GUCY2D: variants seen among roughly 807,000 people sequenced by gnomAD.
GUCY2D encodes the protein guanylate cyclase 2D, retinal.
GUCY2D carries 70 observed loss-of-function variants against 101.3 expected under a neutral mutation model. The observed-to-expected ratio is 0.69, with a 90% CI of 0.57 to 0.84. The LOEUF (loss-of-function observed/expected upper bound fraction) is 0.84, where lower values mean the gene tolerates loss of function less well. GUCY2D is among the 40% of genes least tolerant of loss of function. The probability of loss-of-function intolerance (pLI) is 0.00; values close to 1 mark genes in which losing one functional copy is unlikely to be tolerated. For synonymous variants in GUCY2D, 688 were observed against 670.7 expected, an observed-to-expected ratio of 1.03 and a Z score of -0.40; for missense variants, 1,460 against 1,542.5, an observed-to-expected ratio of 0.95 and a Z score of 0.90.
chr17:8,005,329 C>T (rs1444530921), intron 3 of GUCY2D, among the ~76,000 whole-genome samples: 1 of 152,214 alleles, frequency 6.6e-6, no homozygotes, highest in Non-Finnish European at 1.5e-5. Context: ...GATCAAGCTT[C>T]AGAAATCTGA....
intron 3 of GUCY2D, 107 bp from the exon 4 acceptor site, chr17:8,006,256 C>G: frequency 1.2e-6 from 1 of 827,746 alleles, no homozygotes; most frequent in Non-Finnish European, 2.0e-6. Flanking sequence ...GAACAACTAA[C>G]TGGAAGGTGG....
intron 19 of GUCY2D, among the ~76,000 whole-genome samples, 182 bp from the exon 20 acceptor site, chr17:8,019,946 G>A (rs1192112680): frequency 6.6e-6 from 1 of 152,150 alleles, no homozygotes; most frequent in African/African-American, 2.4e-5. Context: ...CCTGCGCCAG[G>A]AGCCCACACT....
rs555571688 is a variant in GUCY2D, at chr17:8,017,375, G to T, written c.*24+821G>T. ...CTCAGGGACCCAGGAAGGAGGATCTGGGATTGATGCCCGACCCCAGAGGAA... is the reference window on the plus strand; with the variant it reads ...CTCAGGGACCCAGGAAGGAGGATCTTGGATTGATGCCCGACCCCAGAGGAA... On this transcript the variant is annotated intron_variant, in intron 19 of 19. Coordinates refer to ENST00000254854, the MANE Select transcript of GUCY2D (RefSeq NM_000180.4). Among the ~76,000 whole-genome samples, 7 of 152,274 alleles carry T rather than the reference G, an allele frequency of 4.6e-5. No homozygotes were observed. In the South Asian group the frequency reaches 1.4e-3, roughly 32 times the overall value.
rs1478344849 is a variant in GUCY2D at position 8,013,157 on chromosome 17, G to A, written c.2168G>A (p.Gly723Glu). ...AGGGACCCAGCCCTGGAGCGCCGGG[G>A]AACGCTGGCCGGCGACGTCTTTAGC... ...LLRDPALERR[G>E]TLAGDVFSLA... Residue 723 changes from glycine to glutamate, a missense_variant, in exon 11 of 20, where the codon GGA becomes GAA. Physicochemically the swap from Gly to Glu is moderately conservative, Grantham distance 98. This residue lies in a region of GUCY2D where 1,196 missense variants were observed against 1,229.6 expected (regional missense o/e 0.97). Transcript: ENST00000254854. This position sits in a 1 kb window ranked among gnomAD's most constrained non-coding sequence, Gnocchi z 5.0. The A allele has an allele frequency of 1.2e-6, 2 of 1,613,892 alleles. No homozygotes were observed. The highest frequency in any genetic ancestry group is 3.3e-5 in the Admixed American group (2 of 60,022).
Position 8,006,478 on chromosome 17 carries a change from A to T in GUCY2D, c.1142A>T (p.His381Leu). ...GTGTCCGGAGCAGCTGTGGCCCGCCACATCCGGGATGCGCAGGTCCCTGGC... is the reference window on the plus strand; with the variant it reads ...GTGTCCGGAGCAGCTGTGGCCCGCCTCATCCGGGATGCGCAGGTCCCTGGC... ...RWVSGAAVAR[H>L]IRDAQVPGFC... Residue 381 changes from histidine (H) to leucine (L), a missense_variant, in exon 4 of 20, where the codon CAC (histidine) becomes CTC (leucine). This residue lies in a region of GUCY2D where 1,196 missense variants were observed against 1,229.6 expected (regional missense o/e 0.97). Transcript: ENST00000254854. The T allele has an allele frequency of 6.2e-7, 1 of 1,607,294 alleles. No homozygotes were observed. The highest frequency in any genetic ancestry group is 8.5e-7 in the Non-Finnish European group (1 of 1,179,966).
chr17:8,014,994 G>A lies in GUCY2D; in HGVS notation c.2712G>A (p.Leu904=), dbSNP rs1331374688. 2 of 1,613,504 alleles carry A rather than the reference G, an allele frequency of 1.2e-6. No homozygotes were observed. Among genetic ancestry groups the A allele is most frequent in the Admixed American group, 3.3e-5 (2 of 59,970 alleles). ...GTGAGCCCATTGAGGTTGTGGACCT[G>A]CTCAACGATCTCTACACACTCTTTG... The part of the protein sequence containing the change: ...AMSEPIEVVD[L]LNDLYTLFDA... The change falls in exon 14 of 20, where the codon CTG becomes CTA. Residue 904 remains leucine (L), a synonymous_variant. Coordinates refer to ENST00000254854, the MANE Select transcript of GUCY2D (RefSeq NM_000180.4). This position sits in a 1 kb window ranked among gnomAD's most constrained non-coding sequence, Gnocchi z 4.0.
chr17:8,010,751 G>C (rs1975834686), intron 8 of GUCY2D, among the ~76,000 whole-genome samples: 1 of 147,672 alleles, frequency 6.8e-6, no homozygotes, highest in Non-Finnish European at 1.5e-5. Context: ...GGAGCTTGCA[G>C]TAAGCCGAGA....
rs745618018 is a variant in GUCY2D at position 8,007,076 on chromosome 17, C to T, written c.1395C>T (p.Leu465=). The T allele has an allele frequency of 9.9e-6, 16 of 1,613,954 alleles. No individual in the cohort carries two copies. In the South Asian group the frequency reaches 1.1e-4, roughly 11 times the overall value. The change falls in exon 5 of 20, where the codon CTC becomes CTT. Residue 465 remains leucine, a synonymous_variant. Transcript: ENST00000254854. ...NICGGGLEPG[L]VFLGFLLVVG... is the part of the protein sequence containing the mutation. ...TCCCTTCAGGACTGGAGCCGGGCCT[C>T]GTCTTTCTTGGCTTCCTCCTGGTGG...
Position 8,011,013 on chromosome 17 carries a change from T to C in GUCY2D, c.1750-1131T>C, listed in dbSNP as rs945009660. 6.6e-6 allele frequency among the ~76,000 whole-genome samples: 1 copy of C among 151,906 alleles called. No homozygotes were observed. Among genetic ancestry groups the C allele is most frequent in the Non-Finnish European group, 1.5e-5 (1 of 67,974 alleles). ...GGAGTCTCAGACCCGACTGACACAA[T>C]GACGTAACGCCAAGCAGAGCAGCCC... On this transcript the variant is annotated intron_variant, in intron 8 of 19. Transcript: ENST00000254854. This position sits in a 1 kb window ranked among gnomAD's most constrained non-coding sequence, Gnocchi z 4.3.
At position 8,013,152 on chromosome 17, in the gene GUCY2D, C is replaced by T. The variant is rs770747229; in HGVS notation, c.2163C>T (p.Arg721=). The T allele has an allele frequency of 1.9e-6, 3 of 1,613,786 alleles. No homozygotes were observed. The highest frequency in any genetic ancestry group is 4.5e-5 in the East Asian group (2 of 44,876). Reference sequence around the variant, plus strand: ...TGCTTAGGGACCCAGCCCTGGAGCGCCGGGGAACGCTGGCCGGCGACGTCT... The same window carrying T: ...TGCTTAGGGACCCAGCCCTGGAGCGTCGGGGAACGCTGGCCGGCGACGTCT... The part of the protein sequence containing the change: ...PELLRDPALE[R]RGTLAGDVFS... Residue 721 remains arginine (R), a synonymous_variant, in exon 11 of 20, where the codon CGC becomes CGT. Transcript: ENST00000254854. This position sits in a 1 kb window ranked among gnomAD's most constrained non-coding sequence, Gnocchi z 5.0.
rs771734877 is a variant in GUCY2D at position 8,009,467 on chromosome 17, A to G, written c.1669-39A>G. On this transcript the variant is annotated intron_variant, in intron 7 of 19. Transcript: ENST00000254854. ...CTAGGGCTCCCCATCGTGGGATTTT[A>G]AGAGACTGAGTTCCCTACCCCCATC... The G allele has an allele frequency of 1.1e-5, 15 of 1,360,422 alleles. No homozygotes were observed. The African/African-American group carries it at 1.9e-4, about 17-fold the overall frequency. 84.3% of individuals were successfully genotyped at this position (1,360,422 alleles called of 1,614,324 possible).
chr17:8,015,273 G>A lies in GUCY2D; in HGVS notation c.2770-55G>A, dbSNP rs773808646. 3.3e-6 allele frequency: 5 copies of A among 1,522,704 alleles called. No individual in the cohort carries two copies. In the African/African-American group the frequency reaches 4.1e-5, roughly 12 times the overall value. The allele number at this position is 1,522,704 out of a possible 1,614,324, so 94.3% of individuals were successfully genotyped here. ...CCCGGTGACAAGAGGCAATCGCTTC[G>A]TGTACTCGGGGGGAATGCTCAAAAG... On this transcript the variant is annotated intron_variant, in intron 14 of 19. Coordinates refer to ENST00000254854, the MANE Select transcript of GUCY2D (RefSeq NM_000180.4).
rs1000501472 is a variant in GUCY2D at position 8,004,158 on chromosome 17, T to C, written c.1026+2T>C. On this transcript the variant is annotated splice_donor_variant, in intron 3 of 19. Coordinates refer to ENST00000254854, the MANE Select transcript of GUCY2D (RefSeq NM_000180.4). LOFTEE classifies it high-confidence loss of function. ...CCCTCTGACCTCAATCTGCAGCAGG[T>C]AGACGGTCCCGGGAGGAGGGAAGAA... is the stretch of plus-strand genomic sequence containing the variant. 1.3e-6 allele frequency: 2 copies of C among 1,587,266 alleles called. No individual in the cohort carries two copies. The highest frequency in any genetic ancestry group is 1.3e-5 in the African/African-American group (1 of 74,606).
Position 8,006,514 on chromosome 17 carries a change from AC to A in GUCY2D, c.1180del (p.Leu394Ter), listed in dbSNP as rs764858224. On this transcript the variant is annotated frameshift_variant, in exon 4 of 20. Coordinates refer to ENST00000254854, the MANE Select transcript of GUCY2D (RefSeq NM_000180.4). LOFTEE classifies it high-confidence loss of function. ...GCGCAGGTCCCTGGCTTCTGCGGGGACCTAGGAGGAGACGAGGAGCCCCCAT... is the reference window on the plus strand; with the variant it reads ...GCGCAGGTCCCTGGCTTCTGCGGGGACTAGGAGGAGACGAGGAGCCCCCAT... Reference protein sequence around the residue: ...RDAQVPGFCGDLGGDEEPPFV... With the variant: ...RDAQVPGFCGXLGGDEEPPFV... The A allele has an allele frequency of 6.2e-7, 1 of 1,610,122 alleles. No homozygotes were observed. Among genetic ancestry groups the A allele is most frequent in the Non-Finnish European group, 8.5e-7 (1 of 1,179,958 alleles).
chr17:8,003,900 G>T lies in GUCY2D; in HGVS notation c.770G>T (p.Arg257Leu). 2.5e-6 allele frequency: 4 copies of T among 1,613,416 alleles called. No individual in the cohort carries two copies. Among genetic ancestry groups the T allele is most frequent in the Non-Finnish European group, 3.4e-6 (4 of 1,179,850 alleles). The change falls in exon 3 of 20, where the codon CGC (arginine) becomes CTC (leucine). Residue 257 changes from arginine to leucine, a missense_variant. By Grantham distance (102) the Arg-to-Leu change is moderately radical. This residue lies in a region of GUCY2D where 1,196 missense variants were observed against 1,229.6 expected (regional missense o/e 0.97). Transcript: ENST00000254854. Reference sequence around the variant, plus strand: ...GTGCTGCTGGGTGGCGAGGAGCAGCGCTACCTCCTGGAGGCCGCAGAGGAG... The same window carrying T: ...GTGCTGCTGGGTGGCGAGGAGCAGCTCTACCTCCTGGAGGCCGCAGAGGAG... The part of the protein sequence containing the change: ...HSVLLGGEEQ[R>L]YLLEAAEELG...
At position 8,016,349 on chromosome 17, in the gene GUCY2D, T is replaced by C. The variant is rs1975975481; in HGVS notation, c.3224+59T>C. 9.7e-6 allele frequency: 14 copies of C among 1,440,470 alleles called. No individual in the cohort carries two copies. In the East Asian group the frequency reaches 3.2e-4, roughly 33 times the overall value. 89.2% of individuals were successfully genotyped at this position (1,440,470 alleles called of 1,614,324 possible). On this transcript the variant is annotated intron_variant, in intron 18 of 19. Transcript: ENST00000254854. The stretch of plus-strand genomic sequence containing the variant: ...CGAGGGACCCCTGCCTCCTGCTCTG[T>C]GTCTGACCCCCCGCGCGCGAGGCAG...
chr17:8,014,839 T>C lies in GUCY2D; in HGVS notation c.2577-20T>C. 1.9e-6 allele frequency: 3 copies of C among 1,613,834 alleles called. No homozygotes were observed. The highest frequency in any genetic ancestry group is 2.5e-6 in the Non-Finnish European group (3 of 1,179,826). ...CAGGTAGAGTGGCCCCCAGGTGACC[T>C]CACTGCCTGCCATCCCTAGGTCTGT... is the stretch of plus-strand genomic sequence containing the variant. On this transcript the variant is annotated intron_variant, in intron 13 of 19. Transcript: ENST00000254854. This position sits in a 1 kb window ranked among gnomAD's most constrained non-coding sequence, Gnocchi z 4.0.
Position 8,014,486 on chromosome 17 carries a change from C to A in GUCY2D, c.2413-115C>A. On this transcript the variant is annotated intron_variant, in intron 12 of 19. Transcript: ENST00000254854. The surrounding 1 kb of genome is among the most constrained non-coding windows in gnomAD (Gnocchi z 4.0). ...TTGATGAATAGTAGATGAATGGTGG[C>A]AGCGGGGTTGGGGTTCAGAGTGAAC... The A allele has an allele frequency of 1.1e-6, 1 of 941,808 alleles. No homozygotes were observed. The highest frequency in any genetic ancestry group is 1.7e-6 in the Non-Finnish European group (1 of 577,498). The allele number at this position is 941,808 out of a possible 1,614,324, so 58.3% of individuals were successfully genotyped here.
At position 8,006,464 on chromosome 17, in the gene GUCY2D, AGCTGTGGCCC is replaced by A. The variant is rs761200249; in HGVS notation, c.1131_1140del (p.Val378ThrfsTer14). The A allele has an allele frequency of 6.2e-7, 1 of 1,606,048 alleles. No homozygotes were observed. Among genetic ancestry groups the A allele is most frequent in the African/African-American group, 1.3e-5 (1 of 74,940 alleles). On this transcript the variant is annotated frameshift_variant, in exon 4 of 20. Coordinates refer to ENST00000254854, the MANE Select transcript of GUCY2D (RefSeq NM_000180.4). LOFTEE classifies it high-confidence loss of function. ...CAGGTGGCAGATGGGTGTCCGGAGC[AGCTGTGGCCC>A]GCCACATCCGGGATGCGCAGGTCCC... is the stretch of plus-strand genomic sequence containing the variant.
Sources: allele counts gnomAD v4.1 joint callset (sites outside exome capture counted in the v4.1 genomes callset), GRCh38; gene constraint gnomAD v4.1.1; regional missense constraint gnomAD v4.1.1; non-coding constraint Gnocchi (gnomAD v3.1); transcripts MANE v1.5; gene names NCBI Gene and HGNC (gene_info 2026-07-23, HGNC 2026-07-21).